The following TMEM67 variants were observed in gnomAD, a reference collection of about 807,000 sequenced individuals.
TMEM67 encodes transmembrane protein 67.
Under a neutral mutation model 136.6 loss-of-function variants are expected in TMEM67, and 124 were observed. That is an observed-to-expected ratio of 0.91 (90% CI 0.78 to 1.05). The LOEUF (loss-of-function observed/expected upper bound fraction) is 1.05. Among genes scored for constraint, TMEM67 ranks in the 50% least tolerant of loss-of-function variants. The pLI is 0.00. For missense variants in TMEM67, 1,107 were observed against 1,178.4 expected, an observed-to-expected ratio of 0.94 and a Z score of 0.89; for synonymous variants, 364 against 390.5, an observed-to-expected ratio of 0.93 and a Z score of 0.80.
chr8:93,824,442 A>G, the TMEM67 span, among the ~76,000 whole-genome samples: 5,054 of 152,298 alleles, frequency 0.033, 267 homozygotes, highest in African/African-American at 0.11. Context: ...TTTTGTGCAC[A>G]AGAGTATCTG....
intron 6 of TMEM67, among the ~76,000 whole-genome samples, chr8:93,769,186 G>T (rs1813221656): frequency 1.3e-5 from 2 of 152,288 alleles, no homozygotes; most frequent in East Asian, 1.9e-4. Context: ...AGCCTGATGG[G>T]CTCGTGGGGC....
Position 93,781,692 on chromosome 8 carries a change from A to T in TMEM67, c.1013A>T (p.Asp338Val). 6.2e-7 allele frequency: 1 copy of T among 1,609,682 alleles called. No homozygotes were observed. The highest frequency in any genetic ancestry group is 8.5e-7 in the Non-Finnish European group (1 of 1,177,474). ...TKLKFVAASY[D>V]IRGNFLKWQT... ...CTGAAGTTTGTTGCTGCTTCCTATG[A>T]TATAAGAGGAAATTTTCTCAAGTGG... is the stretch of plus-strand genomic sequence containing the variant. The change falls in exon 10 of 28, where the codon GAT becomes GTT. Residue 338 changes from aspartate (D) to valine (V), a missense_variant. Asp to Val is a radical substitution (Grantham distance 152). Transcript: ENST00000453321.
intron 4 of TMEM67, among the ~76,000 whole-genome samples, chr8:93,764,467 G>C (rs1394254649): frequency 6.6e-6 from 1 of 150,396 alleles, no homozygotes; most frequent in Non-Finnish European, 1.5e-5. Flanking sequence ...ATTTTCTGTT[G>C]CTTCCTGTTC....
In TMEM67 at chr8:93,816,439, G is replaced by A. The variant is rs886063173; in HGVS notation, c.2975G>A (p.Arg992Lys). Residue 992 changes from arginine (R) to lysine (K), a missense_variant, in exon 28 of 28, where the codon AGA becomes AAA. Arg to Lys is a conservative substitution (Grantham distance 26). This residue lies in a region of TMEM67 where 925 missense variants were observed against 1,002.4 expected (regional missense o/e 0.92). Coordinates refer to ENST00000453321, the MANE Select transcript of TMEM67 (RefSeq NM_153704.6). Reference protein sequence around the residue: ...NLASKTLVDQRFLI With the variant: ...NLASKTLVDQKFLI Reference sequence around the variant, plus strand: ...GCATCCAAAACATTGGTGGATCAAAGATTTTTGATTTAACTTCCTGAATAA... The same window carrying A: ...GCATCCAAAACATTGGTGGATCAAAAATTTTTGATTTAACTTCCTGAATAA... 2 of 1,584,012 alleles carry A rather than the reference G, an allele frequency of 1.3e-6. No homozygotes were observed. The highest frequency in any genetic ancestry group is 1.7e-6 in the Non-Finnish European group (2 of 1,154,634).
chr8:93,783,216 C>T (rs983312981), intron 11 of TMEM67, among the ~76,000 whole-genome samples: 1 of 152,148 alleles, frequency 6.6e-6, no homozygotes, highest in Non-Finnish European at 1.5e-5. Context: ...AAACTCCTGA[C>T]CTCAACTGAT....
At chr8:93,765,692 A>G (rs372373694) in intron 6 of TMEM67, 46 bp downstream of exon 6, 43 of 1,268,990 alleles carry the variant, frequency 3.4e-5, no homozygotes, top group Admixed American at 1.3e-4. Context: ...AAAACTTTCT[A>G]CATTTCATCC....
intron 15 of TMEM67, 62 bp from the exon 16 acceptor site, chr8:93,793,136 A>G: frequency 1.4e-6 from 2 of 1,450,120 alleles, no homozygotes; most frequent in Non-Finnish European, 1.9e-6. Context: ...ACTTGTTCAC[A>G]GTGTTTTTGA....
chr8:93,790,337 T>C (rs1393215551), intron 14 of TMEM67, among the ~76,000 whole-genome samples: 1 of 152,194 alleles, frequency 6.6e-6, no homozygotes, highest in Non-Finnish European at 1.5e-5. Context: ...TGTTCCTGTT[T>C]CTAAGAAAGA....
intron 10 of TMEM67, among the ~76,000 whole-genome samples, 163 bp downstream of exon 10, chr8:93,781,907 GT>G (rs1420966865): frequency 6.6e-6 from 1 of 150,864 alleles, no homozygotes; most frequent in Non-Finnish European, 1.5e-5. Context: ...TTGTTTGTTT[GT>G]TTGTTTGTTT....
chr8:93,761,803 C>T (rs1812848937), intron 3 of TMEM67, among the ~76,000 whole-genome samples: 1 of 152,066 alleles, frequency 6.6e-6, no homozygotes, highest in African/African-American at 2.4e-5. Flanking sequence ...ACTTGGTATT[C>T]CACTATTTAG....
downstream of TMEM67, among the ~76,000 whole-genome samples, chr8:93,823,574 G>A (rs749946091): frequency 6.6e-6 from 1 of 152,126 alleles, no homozygotes; most frequent in Non-Finnish European, 1.5e-5. Context: ...CAAAGCAAGA[G>A]CAGAAGCTGG....
rs34924552 is a variant in TMEM67, at chr8:93,787,249, C to CT, written c.1413-583dup. 9.1e-4 allele frequency among the ~76,000 whole-genome samples: 133 copies of CT among 146,222 alleles called. 1 individual carries two copies. In the East Asian group the frequency reaches 0.015, roughly 16 times the overall value. On this transcript the variant is annotated intron_variant, in intron 13 of 27. Transcript: ENST00000453321. ...TGCCATAACCATATTACAGCTGACA[C>CT]TTTTTTTTTTTTAATTTAAAAATTT...
intron 23 of TMEM67, among the ~76,000 whole-genome samples, chr8:93,805,580 C>CA (rs370408912): frequency 0.07 from 4,058 of 58,088 alleles, 232 homozygotes; most frequent in African/African-American, 0.19. Flanking sequence ...GACTCCGTCT[C>CA]AAAAAAAAAA....
chr8:93,805,560 G>A (rs1460027780), intron 23 of TMEM67, among the ~76,000 whole-genome samples: 1 of 143,748 alleles, frequency 7.0e-6, no homozygotes, highest in African/African-American at 2.6e-5. Context: ...CAGCTTGGGC[G>A]ACAGAGCGAG....
intron 13 of TMEM67, 53 bp from the exon 14 acceptor site, chr8:93,787,791 T>C (rs1395758706): frequency 3.0e-6 from 4 of 1,333,346 alleles, no homozygotes; most frequent in East Asian, 4.6e-5. Flanking sequence ...GTTAAATGTA[T>C]GTTTAAAGGC....
intron 2 of TMEM67, chr8:93,756,584 G>C (rs1002024582): frequency 6.6e-6 from 1 of 151,944 alleles, no homozygotes; most frequent in African/African-American, 2.4e-5. Flanking sequence ...TGTATTACTT[G>C]TAAGTCTGAT....
intron 3 of TMEM67, chr8:93,758,782 A>G (rs772222921): frequency 2.0e-5 from 11 of 544,226 alleles, no homozygotes; most frequent in Admixed American, 9.5e-5. Context: ...AATTTTTTGT[A>G]GAGACTGGGT....
At chr8:93,771,977 T>C (rs1243880424) in intron 6 of TMEM67, among the ~76,000 whole-genome samples, 1 of 152,244 alleles carries the variant, frequency 6.6e-6, no homozygotes, top group East Asian at 1.9e-4. Context: ...TAGTTTCTCA[T>C]ATTTTAGCAA....
At chr8:93,769,303 A>C (rs553508354) in intron 6 of TMEM67, among the ~76,000 whole-genome samples, 1 of 152,350 alleles carries the variant, frequency 6.6e-6, no homozygotes, top group South Asian at 2.1e-4. Context: ...CGATGCCATG[A>C]GGCAGAGGGT....
Sources: gnomAD v4.1 joint callset for allele counts (sites outside exome capture counted in the v4.1 genomes callset) on GRCh38, gnomAD v4.1.1 for gene constraint, gnomAD v4.1.1 regional missense constraint, MANE v1.5 for transcripts, NCBI Gene and HGNC (gene_info 2026-07-23, HGNC 2026-07-21) for gene names.